The following CTNNA2 variants were observed in gnomAD, a reference collection of about 807,000 sequenced individuals.
The protein encoded by CTNNA2 is catenin alpha 2.
In CTNNA2, 42 loss-of-function variants were observed where a neutral mutation model predicts 101.0. That is an observed-to-expected ratio of 0.42 (90% CI 0.32 to 0.54). The LOEUF is 0.54. Among genes scored for constraint, CTNNA2 ranks in the 20% least tolerant of loss-of-function variants. CTNNA2 has a pLI of 0.14. For missense variants in CTNNA2, 871 were observed against 1,223.1 expected, an observed-to-expected ratio of 0.71 and a Z score of 4.29; for synonymous variants, 450 against 456.4, an observed-to-expected ratio of 0.99 and a Z score of 0.18.
intron 9 of CTNNA2, among the ~76,000 whole-genome samples, chr2:80,495,396 G>A (rs116206651): frequency 0.011 from 1,606 of 152,172 alleles, 27 homozygotes; most frequent in African/African-American, 0.036. Context: ...CTCTTAAAGC[G>A]CTTTCGACTT....
intron 4 of CTNNA2, among the ~76,000 whole-genome samples, chr2:79,476,521 G>A (rs1323425931): frequency 6.6e-6 from 1 of 152,108 alleles, no homozygotes; most frequent in Non-Finnish European, 1.5e-5. Context: ...ATATATAAAT[G>A]TAGATGGCAT....
Position 79,567,327 on chromosome 2 carries a change from A to T in CTNNA2, c.-6+54120A>T, listed in dbSNP as rs1395072109. Among the ~76,000 whole-genome samples, 4 of 151,382 alleles carry T rather than the reference A, an allele frequency of 2.6e-5. No homozygotes were observed. The East Asian group carries it at 7.7e-4, about 29-fold the overall frequency. On this transcript the variant is annotated intron_variant, in intron 1 of 18. Transcript: ENST00000402739. ...TGGAATTTTCCTTGATTTTTAAAAT[A>T]AATCTTAAACTGGCACTTTTAGCTA...
chr2:80,640,647 ATAG>A (rs1279064446), intron 18 of CTNNA2, among the ~76,000 whole-genome samples: 2 of 152,226 alleles, frequency 1.3e-5, no homozygotes, highest in Admixed American at 1.3e-4. Flanking sequence ...AGGACATCAA[ATAG>A]GTCTTCAAAG....
At chr2:80,439,852 A>G (rs1262879536) in intron 9 of CTNNA2, among the ~76,000 whole-genome samples, 3 of 152,242 alleles carry the variant, frequency 2.0e-5, no homozygotes, top group Non-Finnish European at 4.4e-5. Context: ...GCAGTTGGTA[A>G]CAGACATGAG....
intron 2 of CTNNA2, among the ~76,000 whole-genome samples, chr2:79,671,500 G>GA (rs59480648): frequency 2.0e-5 from 3 of 151,724 alleles, no homozygotes; most frequent in Admixed American, 6.6e-5. Flanking sequence ...ATATGAGAAG[G>GA]AAAAAAAAGA....
At chr2:80,399,792 AC>A (rs1678386766) in intron 8 of CTNNA2, among the ~76,000 whole-genome samples, 1 of 152,202 alleles carries the variant, frequency 6.6e-6, no homozygotes, top group African/African-American at 2.4e-5. Flanking sequence ...TGGAAGATCC[AC>A]TGTAGGATTA....
chr2:79,383,159 T>C (rs961963148), intron 4 of CTNNA2, among the ~76,000 whole-genome samples: 2 of 152,208 alleles, frequency 1.3e-5, no homozygotes, highest in African/African-American at 2.4e-5. Flanking sequence ...GTCCTGGGGA[T>C]AGAAGTCAAA....
chr2:80,009,876 T>G (rs1429838751), intron 7 of CTNNA2, among the ~76,000 whole-genome samples: 2 of 152,064 alleles, frequency 1.3e-5, no homozygotes, highest in African/African-American at 4.8e-5. Context: ...TAAAAGAGAT[T>G]ATTTATAGAG....
At chr2:79,980,942 A>T (rs1036757058) in intron 7 of CTNNA2, among the ~76,000 whole-genome samples, 1 of 152,052 alleles carries the variant, frequency 6.6e-6, no homozygotes, top group African/African-American at 2.4e-5. Flanking sequence ...ACAGTCAAAC[A>T]TTCTGTGCTG....
intron 15 of CTNNA2, 151 bp from the exon 16 acceptor site, chr2:80,603,923 C>A: frequency 1.8e-6 from 1 of 554,230 alleles, no homozygotes; most frequent in East Asian, 3.0e-5. Flanking sequence ...AATATAGAAA[C>A]TGGAGTTAAG....
intron 3 of CTNNA2, among the ~76,000 whole-genome samples, chr2:79,839,089 T>G (rs982216963): frequency 3.3e-5 from 5 of 152,076 alleles, no homozygotes; most frequent in Non-Finnish European, 7.4e-5. Flanking sequence ...GTACAAAAAG[T>G]AAATTGTAAT....
intron 3 of CTNNA2, among the ~76,000 whole-genome samples, chr2:79,746,146 C>T (rs928027455): frequency 2.6e-5 from 4 of 152,094 alleles, no homozygotes; most frequent in African/African-American, 9.7e-5. Flanking sequence ...TTATATTTTC[C>T]TAATGATTAC....
intron 9 of CTNNA2, among the ~76,000 whole-genome samples, chr2:80,441,607 C>T (rs779817404): frequency 7.9e-5 from 12 of 152,106 alleles, no homozygotes; most frequent in Non-Finnish European, 1.0e-4. Flanking sequence ...TTTTGATCTC[C>T]GTGACTTCTG....
chr2:79,807,613 A>C (rs1360898069), intron 3 of CTNNA2, among the ~76,000 whole-genome samples: 1 of 152,150 alleles, frequency 6.6e-6, no homozygotes, highest in Non-Finnish European at 1.5e-5. Context: ...TAGCTCTTTG[A>C]AAGTTATTAA....
chr2:79,741,749 A>G (rs1671300869), intron 2 of CTNNA2, among the ~76,000 whole-genome samples: 1 of 151,984 alleles, frequency 6.6e-6, no homozygotes, highest in Non-Finnish European at 1.5e-5. Flanking sequence ...TTGTCTTTCA[A>G]TTCTTTTTTA....
In CTNNA2 at chr2:80,258,159, T is replaced by C. The variant is rs1206100086; in HGVS notation, c.1057-135052T>C. 2.6e-5 allele frequency among the ~76,000 whole-genome samples: 4 copies of C among 152,230 alleles called. No homozygotes were observed. In the East Asian group the frequency reaches 5.8e-4, roughly 22 times the overall value. ...GGCTAGCTAAAAGGATAAATTTTTCTTGCTTTGAAGCATTTTATTGTTCTT... is the reference window on the plus strand; with the variant it reads ...GGCTAGCTAAAAGGATAAATTTTTCCTGCTTTGAAGCATTTTATTGTTCTT... On this transcript the variant is annotated intron_variant, in intron 7 of 18. Transcript: ENST00000402739.
chr2:80,105,924 C>G lies in CTNNA2; in HGVS notation c.1056+196127C>G, dbSNP rs556636766. Among the ~76,000 whole-genome samples, 74 of 152,286 alleles carry G rather than the reference C, an allele frequency of 4.9e-4. 1 individual carries two copies. Among genetic ancestry groups the G allele is most frequent in the African/African-American group, 1.7e-3 (69 of 41,566 alleles). ...GATGGTCTGGGACATTAGAGTCACA[C>G]ATGTTCTCACTTACTAGTGTTACCC... On this transcript the variant is annotated intron_variant, in intron 7 of 18. Transcript: ENST00000402739.
At chr2:79,781,300 G>T (rs1485374979) in intron 3 of CTNNA2, among the ~76,000 whole-genome samples, 1 of 152,160 alleles carries the variant, frequency 6.6e-6, no homozygotes, top group Non-Finnish European at 1.5e-5. Context: ...ACCATCTTGG[G>T]TTTGGTGGGT....
chr2:80,100,443 G>A (rs1268574700), intron 7 of CTNNA2, among the ~76,000 whole-genome samples: 1 of 152,134 alleles, frequency 6.6e-6, no homozygotes, highest in Non-Finnish European at 1.5e-5. Context: ...ACTTTTTAAG[G>A]TTCTCTCCAG....
Sources: gnomAD v4.1 joint callset for allele counts (sites outside exome capture counted in the v4.1 genomes callset) on GRCh38, gnomAD v4.1.1 for gene constraint, MANE v1.5 for transcripts, NCBI Gene and HGNC (gene_info 2026-07-23, HGNC 2026-07-21) for gene names.